The following FABP6 variants were observed in gnomAD, a reference collection of about 807,000 sequenced individuals.
The protein encoded by FABP6 is fatty acid binding protein 6.
Under a neutral mutation model 14.9 loss-of-function variants are expected in FABP6, and 13 were observed. The ratio of observed to expected loss-of-function variants is 0.87; its 90% CI spans 0.57 to 1.39. The LOEUF (loss-of-function observed/expected upper bound fraction) is 1.39, where lower values mean the gene tolerates loss of function less well. FABP6 is among the 40% of genes most tolerant of loss of function. The probability of loss-of-function intolerance (pLI) is 0.00; values close to 1 mark genes in which losing one functional copy is unlikely to be tolerated. For synonymous variants in FABP6, 75 were observed against 63.6 expected (o/e 1.18, Z -0.85); for missense variants, 161 against 167.2 (o/e 0.96, Z 0.20).
chr5:160,190,204 C>G (rs1759366504), intron 1 of FABP6, among the ~76,000 whole-genome samples: 1 of 152,136 alleles, frequency 6.6e-6, no homozygotes, highest in East Asian at 1.9e-4. Context: ...TTAACACCTT[C>G]TATGTGCAAC....
In FABP6 at chr5:160,238,667, G is replaced by T; in HGVS notation, c.*8G>T. On this transcript the variant is annotated 3_prime_UTR_variant, in exon 4 of 4. Transcript: ENST00000402432. Reference sequence around the variant, plus strand: ...AGCAAGAGACTGGCCTAAGCAGCCAGGCCCGGCCCAGGGAGCTACAAACCC... The same window carrying T: ...AGCAAGAGACTGGCCTAAGCAGCCATGCCCGGCCCAGGGAGCTACAAACCC... The T allele has an allele frequency of 6.2e-7, 1 of 1,613,704 alleles. No homozygotes were observed. Among genetic ancestry groups the T allele is most frequent in the Non-Finnish European group, 8.5e-7 (1 of 1,179,650 alleles).
chr5:160,237,595 A>G (rs531844929), intron 3 of FABP6, among the ~76,000 whole-genome samples: 1 of 151,836 alleles, frequency 6.6e-6, no homozygotes, highest in Non-Finnish European at 1.5e-5. Context: ...CCCCTACACC[A>G]AGCCCCAGCC....
At chr5:160,190,584 T>C (rs965386777) in intron 1 of FABP6, among the ~76,000 whole-genome samples, 8 of 152,190 alleles carry the variant, frequency 5.3e-5, no homozygotes, top group Admixed American at 4.6e-4. Context: ...AAAGTAAGGA[T>C]TGAAATCTAG....
intron 2 of FABP6, among the ~76,000 whole-genome samples, chr5:160,201,768 T>G (rs1759646415): frequency 6.6e-6 from 1 of 151,980 alleles, no homozygotes; most frequent in African/African-American, 2.4e-5. Context: ...CATTCACTTA[T>G]TTATTTATTT....
At chr5:160,209,594 C>T (rs189485162) in intron 2 of FABP6, among the ~76,000 whole-genome samples, 71 of 152,296 alleles carry the variant, frequency 4.7e-4, no homozygotes, top group African/African-American at 1.5e-3. Flanking sequence ...TGCTCTGTAC[C>T]GTCTTGGTAT....
At chr5:160,210,073 C>T (rs1425252339) in intron 2 of FABP6, among the ~76,000 whole-genome samples, 1 of 152,152 alleles carries the variant, frequency 6.6e-6, no homozygotes, top group African/African-American at 2.4e-5. Flanking sequence ...TGTACCAAGG[C>T]AAGTCAAACA....
intron 1 of FABP6, among the ~76,000 whole-genome samples, chr5:160,230,559 A>G (rs569284257): frequency 3.2e-4 from 49 of 151,878 alleles, no homozygotes; most frequent in Non-Finnish European, 6.6e-4. Context: ...ACGGGGTATC[A>G]CCCTGTTGCT....
At chr5:160,231,118 C>T (rs1760371406) in intron 1 of FABP6, among the ~76,000 whole-genome samples, 2 of 152,318 alleles carry the variant, frequency 1.3e-5, no homozygotes, top group Admixed American at 1.3e-4. Context: ...TTCTTGCCTG[C>T]CAGCTGGCTC....
intron 1 of FABP6, among the ~76,000 whole-genome samples, chr5:160,188,602 C>A (rs1430003275): frequency 6.6e-6 from 1 of 152,224 alleles, no homozygotes. Flanking sequence ...ACGGAGGAGA[C>A]CCCAGGCCCG....
chr5:160,223,200 G>T (rs1760165016), intron 3 of FABP6, among the ~76,000 whole-genome samples: 1 of 152,078 alleles, frequency 6.6e-6, no homozygotes, highest in South Asian at 2.1e-4. Context: ...CCACATTTTG[G>T]TAATTCTCAC....
intron 1 of FABP6, among the ~76,000 whole-genome samples, chr5:160,231,615 C>A (rs1218474418): frequency 6.6e-6 from 1 of 152,086 alleles, no homozygotes; most frequent in Non-Finnish European, 1.5e-5. Flanking sequence ...AGGCTGGTCT[C>A]GAACTTCTGA....
rs1561759384 is a variant in FABP6, at chr5:160,238,644, C to CA, written c.374dup (p.Arg126GlufsTer18). ...GAGGCGTGACCTATGAGCGCGTGAG[C>CA]AAGAGACTGGCCTAAGCAGCCAGGC... is the stretch of plus-strand genomic sequence containing the variant. On this transcript the variant is annotated frameshift_variant, in exon 4 of 4. Transcript: ENST00000402432. LOFTEE classifies it high-confidence loss of function. 3 of 1,614,016 alleles carry CA rather than the reference C, an allele frequency of 1.9e-6. No homozygotes were observed. The Admixed American group carries it at 5.0e-5, about 27-fold the overall frequency.
At chr5:160,217,398 CAAG>C (rs1053395555) in intron 3 of FABP6, among the ~76,000 whole-genome samples, 3 of 152,084 alleles carry the variant, frequency 2.0e-5, no homozygotes, top group Non-Finnish European at 4.4e-5. Flanking sequence ...AGAGAAAAGA[CAAG>C]AAGAAGGGCT....
intron 2 of FABP6, among the ~76,000 whole-genome samples, chr5:160,199,912 G>A (rs1377597409): frequency 6.6e-6 from 1 of 152,146 alleles, no homozygotes; most frequent in Non-Finnish European, 1.5e-5. Context: ...TCTTCCCCAC[G>A]GAGGTGGCTC....
At chr5:160,187,933 G>A (rs919733910) in intron 1 of FABP6, among the ~76,000 whole-genome samples, 1 of 151,930 alleles carries the variant, frequency 6.6e-6, no homozygotes, top group African/African-American at 2.4e-5. Context: ...TGTATTTTTA[G>A]TAGAGGCAGG....
chr5:160,194,063 G>T (rs1041503904), intron 1 of FABP6, among the ~76,000 whole-genome samples: 11 of 152,246 alleles, frequency 7.2e-5, no homozygotes. Flanking sequence ...CTAAGGCCCG[G>T]CGAGAAATCA....
chr5:160,234,865 A>G lies in FABP6; in HGVS notation c.289A>G (p.Asn97Asp). ...CGGGAAGCTGGTGGTGAATTTCCCC[A>G]ACTATCACCAGACCTCAGAGATCGT... ...EGGKLVVNFP[N>D]YHQTSEIVGD... Residue 97 changes from asparagine to aspartate, a missense_variant, in exon 3 of 4, where the codon AAC (asparagine) becomes GAC (aspartate). Physicochemically the swap from Asn to Asp is conservative, Grantham distance 23. Transcript: ENST00000402432. 6.2e-7 allele frequency: 1 copy of G among 1,611,410 alleles called. No individual in the cohort carries two copies. The highest frequency in any genetic ancestry group is 8.5e-7 in the Non-Finnish European group (1 of 1,178,630).
At chr5:160,193,846 G>A (rs1759451942) in intron 1 of FABP6, among the ~76,000 whole-genome samples, 1 of 152,248 alleles carries the variant, frequency 6.6e-6, no homozygotes, top group African/African-American at 2.4e-5. Context: ...AGTGGATCCC[G>A]CACCAGGGTT....
chr5:160,232,125 C>A lies in FABP6; in HGVS notation c.95C>A (p.Ala32Asp). The A allele has an allele frequency of 1.2e-6, 2 of 1,614,026 alleles. No homozygotes were observed. Among genetic ancestry groups the A allele is most frequent in the Non-Finnish European group, 1.7e-6 (2 of 1,180,014 alleles). ...LGISSDVIEK[A>D]RNFKIVTEVQ... ...ATCTCCAGCGATGTAATCGAAAAGG[C>A]CCGCAACTTCAAGATCGTCACGGAG... The change falls in exon 2 of 4, where the codon GCC becomes GAC. Residue 32 changes from alanine to aspartate, a missense_variant. Ala to Asp is a moderately radical substitution (Grantham distance 126). Transcript: ENST00000402432.
Sources: gnomAD v4.1 joint callset for allele counts (sites outside exome capture counted in the v4.1 genomes callset) on GRCh38, gnomAD v4.1.1 for gene constraint, MANE v1.5 for transcripts, NCBI Gene and HGNC (gene_info 2026-07-23, HGNC 2026-07-21) for gene names.